The following PARPBP variants were observed in gnomAD, a reference collection of about 807,000 sequenced individuals.
PARPBP encodes PARP1 binding protein, also known as PCNA-interacting partner.
In PARPBP, 52 loss-of-function variants were observed where a neutral mutation model predicts 50.0. The observed-to-expected ratio is 1.04, with a 90% CI of 0.83 to 1.31. The LOEUF is 1.31. Among genes scored for constraint, PARPBP ranks in the 50% most tolerant of loss-of-function variants. The pLI, the probability that PARPBP is intolerant of heterozygous loss-of-function variation, is 0.00. For missense variants in PARPBP, 697 were observed against 672.0 expected (o/e 1.04, Z -0.41); for synonymous variants, 244 against 232.1 (o/e 1.05, Z -0.47).
chr12:102,179,170 A>C (rs1889585909), intron 8 of PARPBP, among the ~76,000 whole-genome samples: 1 of 152,162 alleles, frequency 6.6e-6, no homozygotes, highest in African/African-American at 2.4e-5. Flanking sequence ...ATATTAAGTA[A>C]TTTGCCCAAG....
chr12:102,191,833 GA>G (rs1203263421), intron 9 of PARPBP, among the ~76,000 whole-genome samples: 1 of 152,106 alleles, frequency 6.6e-6, no homozygotes, highest in Non-Finnish European at 1.5e-5. Context: ...ACTTGAACAT[GA>G]AATGATTTTA....
At chr12:102,178,543 C>T in intron 7 of PARPBP, 49 bp from the exon 8 acceptor site, 2 of 1,247,402 alleles carry the variant, frequency 1.6e-6, no homozygotes, top group Non-Finnish European at 2.2e-6. Context: ...TGGCCATTCA[C>T]CCAGCTGGGG....
chr12:102,127,997 A>G (rs1281535346), intron 2 of PARPBP, among the ~76,000 whole-genome samples: 1 of 152,236 alleles, frequency 6.6e-6, no homozygotes, highest in African/African-American at 2.4e-5. Context: ...ATTAATATGC[A>G]TTACCTCACA....
In PARPBP at chr12:102,195,323, TTTAA is replaced by T; in HGVS notation, c.1279_1282del (p.Ile427AspfsTer13). 1 of 1,546,440 alleles carries T rather than the reference TTTAA, an allele frequency of 6.5e-7. No individual in the cohort carries two copies. The highest frequency in any genetic ancestry group is 8.8e-7 in the Non-Finnish European group (1 of 1,135,674). Reference sequence around the variant, plus strand: ...CTTTCTGTTACTAGATGAAGCAAACTTTAATTAGATCCCAATTTGCTTGTACTTA... The same window carrying T: ...CTTTCTGTTACTAGATGAAGCAAACTTTAGATCCCAATTTGCTTGTACTTA... On this transcript the variant is annotated frameshift_variant, in exon 10 of 11. Transcript: ENST00000327680. LOFTEE classifies it high-confidence loss of function.
intron 7 of PARPBP, among the ~76,000 whole-genome samples, chr12:102,177,294 A>T (rs1252050881): frequency 2.0e-5 from 3 of 152,182 alleles, no homozygotes; most frequent in African/African-American, 7.2e-5. Flanking sequence ...GTCCCAGAAG[A>T]TGTAGCTTTG....
intron 9 of PARPBP, among the ~76,000 whole-genome samples, chr12:102,188,798 T>C (rs1421960139): frequency 6.6e-6 from 1 of 151,826 alleles, no homozygotes; most frequent in Non-Finnish European, 1.5e-5. Context: ...GGTCAAAATA[T>C]ATGAAAAAAA....
chr12:102,168,791 TTA>T (rs1434931140), intron 6 of PARPBP, among the ~76,000 whole-genome samples: 1 of 152,092 alleles, frequency 6.6e-6, no homozygotes, highest in Non-Finnish European at 1.5e-5. Context: ...GCTTCACTGG[TTA>T]TTCATTTTAT....
intron 4 of PARPBP, among the ~76,000 whole-genome samples, chr12:102,158,322 T>G (rs1045192668): frequency 6.6e-6 from 1 of 152,056 alleles, no homozygotes; most frequent in Non-Finnish European, 1.5e-5. Flanking sequence ...GCAAATTAGA[T>G]ATTTATTCTT....
intron 6 of PARPBP, among the ~76,000 whole-genome samples, chr12:102,173,601 T>A (rs1437659050): frequency 2.0e-5 from 3 of 151,962 alleles, no homozygotes; most frequent in Admixed American, 6.5e-5. Context: ...GGATTTTTTT[T>A]TAAAAAAAAC....
chr12:102,139,910 T>C (rs556669878), intron 2 of PARPBP, among the ~76,000 whole-genome samples: 1 of 152,366 alleles, frequency 6.6e-6, no homozygotes, highest in African/African-American at 2.4e-5. Flanking sequence ...GATTTTCGCA[T>C]GGATGTTCAT....
chr12:102,159,040 G>A (rs543127335), intron 4 of PARPBP, among the ~76,000 whole-genome samples: 1 of 152,116 alleles, frequency 6.6e-6, no homozygotes, highest in East Asian at 1.9e-4. Flanking sequence ...TTTCTGAGGA[G>A]TATTAAATTG....
chr12:102,163,513 G>C (rs964686453), intron 4 of PARPBP, among the ~76,000 whole-genome samples: 2 of 152,146 alleles, frequency 1.3e-5, no homozygotes, highest in Non-Finnish European at 2.9e-5. Flanking sequence ...GGGACAAAAT[G>C]TATTCATGTA....
intron 1 of PARPBP, among the ~76,000 whole-genome samples, chr12:102,123,461 T>C (rs1881470275): frequency 6.6e-6 from 1 of 151,672 alleles, no homozygotes; most frequent in Admixed American, 6.6e-5. Flanking sequence ...CCACCTCTTT[T>C]GGGACAACGT....
At chr12:102,192,063 T>C (rs771650276) in intron 9 of PARPBP, among the ~76,000 whole-genome samples, 1 of 152,140 alleles carries the variant, frequency 6.6e-6, no homozygotes, top group Non-Finnish European at 1.5e-5. Flanking sequence ...TTTTAAGTTA[T>C]AAATATAAGC....
intron 9 of PARPBP, among the ~76,000 whole-genome samples, chr12:102,190,727 A>T (rs1890720814): frequency 6.6e-6 from 1 of 152,172 alleles, no homozygotes; most frequent in Non-Finnish European, 1.5e-5. Flanking sequence ...GCTGGCCATC[A>T]GTTGTCAAAC....
At chr12:102,121,921 CTGTTCTAAAAGCTTTACT>C (rs1881196625) in intron 1 of PARPBP, among the ~76,000 whole-genome samples, 1 of 152,130 alleles carries the variant, frequency 6.6e-6, no homozygotes. Context: ...ATGCCAGGCA[CTGTTCTAAAAGCTTTACT>C]TGTGTTTATG....
intron 9 of PARPBP, among the ~76,000 whole-genome samples, chr12:102,188,358 A>G (rs978462278): frequency 7.9e-5 from 12 of 151,872 alleles, no homozygotes; most frequent in African/African-American, 2.9e-4. Flanking sequence ...AACAGACTGA[A>G]TCTCCCAGAT....
intron 6 of PARPBP, among the ~76,000 whole-genome samples, chr12:102,170,899 AT>A (rs1888626568): frequency 7.6e-6 from 1 of 130,842 alleles, no homozygotes; most frequent in South Asian, 2.4e-4. Context: ...TCTCTGTTTA[AT>A]TTTTCTTTTT....
intron 2 of PARPBP, among the ~76,000 whole-genome samples, chr12:102,127,270 C>T (rs1236556003): frequency 6.6e-6 from 1 of 151,862 alleles, no homozygotes; most frequent in Non-Finnish European, 1.5e-5. Context: ...GTGGAGTGTG[C>T]CTGTAGTCTC....
Sources: allele counts gnomAD v4.1 joint callset (sites outside exome capture counted in the v4.1 genomes callset), GRCh38; gene constraint gnomAD v4.1.1; transcripts MANE v1.5; gene names NCBI Gene and HGNC (gene_info 2026-07-23, HGNC 2026-07-21).